B4GALT1: variants seen among roughly 807,000 people sequenced by gnomAD.
The protein encoded by B4GALT1 is N-acetyllactosamine synthase.
B4GALT1 carries 16 observed loss-of-function variants against 34.9 expected under a neutral mutation model. The observed-to-expected ratio is 0.46, with a 90% CI of 0.31 to 0.70. The LOEUF is 0.70. B4GALT1 is among the 30% of genes least tolerant of loss of function. The probability of loss-of-function intolerance (pLI) is 0.05; values close to 1 mark genes in which losing one functional copy is unlikely to be tolerated. For missense variants in B4GALT1, 445 were observed against 530.5 expected, an observed-to-expected ratio of 0.84 and a Z score of 1.58; for synonymous variants, 221 against 218.1, an observed-to-expected ratio of 1.01 and a Z score of -0.12.
At chr9:33,129,587 T>C (rs561488071) in intron 2 of B4GALT1, among the ~76,000 whole-genome samples, 1 of 152,318 alleles carries the variant, frequency 6.6e-6, no homozygotes, top group South Asian at 2.1e-4. Flanking sequence ...CTGTACTGAC[T>C]ATGTACCAGC....
the B4GALT1 span, among the ~76,000 whole-genome samples, chr9:33,182,058 T>A: frequency 1.6e-4 from 25 of 151,746 alleles, no homozygotes; most frequent in East Asian, 1.9e-3. Context: ...TTTAAAAAAA[T>A]TTTTTTTTGT....
the B4GALT1 span, among the ~76,000 whole-genome samples, chr9:33,182,758 C>T: frequency 6.6e-6 from 1 of 152,226 alleles, no homozygotes; most frequent in East Asian, 1.9e-4. Flanking sequence ...GGATTTACTT[C>T]ATTTGGCTAG....
At chr9:33,141,039 C>A (rs937969288) in intron 1 of B4GALT1, among the ~76,000 whole-genome samples, 2 of 152,210 alleles carry the variant, frequency 1.3e-5, no homozygotes, top group African/African-American at 4.8e-5. Context: ...GGAAGCCTTC[C>A]CAGACCACTC....
At chr9:33,163,574 C>A (rs12552871) in intron 1 of B4GALT1, among the ~76,000 whole-genome samples, 2 of 152,322 alleles carry the variant, frequency 1.3e-5, no homozygotes, top group South Asian at 2.1e-4. Context: ...CTGCCCACCT[C>A]CCCCCATCAC....
intron 1 of B4GALT1, among the ~76,000 whole-genome samples, chr9:33,136,889 C>A (rs1364239752): frequency 2.0e-5 from 3 of 152,190 alleles, no homozygotes; most frequent in African/African-American, 7.2e-5. Flanking sequence ...CGTGGCTCTC[C>A]AAGCACCCCC....
At chr9:33,135,465 A>C (rs1321818795) in intron 1 of B4GALT1, 41 bp from the exon 2 acceptor site, 1 of 1,572,408 alleles carries the variant, frequency 6.4e-7, no homozygotes, top group South Asian at 1.1e-5. Context: ...AGGCCACAGG[A>C]CTCGCCACCG....
chr9:33,181,862 T>C, the B4GALT1 span, among the ~76,000 whole-genome samples: 26 of 152,304 alleles, frequency 1.7e-4, 1 homozygote, highest in African/African-American at 6.3e-4. Context: ...CTTGGTGGCT[T>C]CAAACAACAG....
At chr9:33,166,004 G>A (rs1840746056) in intron 1 of B4GALT1, among the ~76,000 whole-genome samples, 1 of 152,168 alleles carries the variant, frequency 6.6e-6, no homozygotes, top group Non-Finnish European at 1.5e-5. Context: ...GAGTACACAA[G>A]CTCTCTGCCC....
rs1235637062 is a variant in B4GALT1 at position 33,112,775 on chromosome 9, C to A, written c.*679G>T. The A allele has an allele frequency of 6.5e-6, 1 of 153,122 alleles. No individual in the cohort carries two copies. Among genetic ancestry groups the A allele is most frequent in the Non-Finnish European group, 1.5e-5 (1 of 68,446 alleles). 9.5% of individuals were successfully genotyped at this position (153,122 alleles called of 1,614,324 possible). A position where few individuals can be genotyped will look rare whatever the true frequency, so the allele number is the denominator to read the frequency against. On this transcript the variant is annotated 3_prime_UTR_variant, in exon 6 of 6. Coordinates refer to ENST00000379731, the MANE Select transcript of B4GALT1 (RefSeq NM_001497.4). ...AAAAAAAACACAACAACTTTACATTCAGAAATCAGACAATCTGGAGATAGG... is the reference window on the plus strand; with the variant it reads ...AAAAAAAACACAACAACTTTACATTAAGAAATCAGACAATCTGGAGATAGG...
chr9:33,128,838 A>C (rs1840150937), intron 2 of B4GALT1, among the ~76,000 whole-genome samples: 2 of 152,210 alleles, frequency 1.3e-5, no homozygotes, highest in Admixed American at 1.3e-4. Flanking sequence ...GCTTCTCCCC[A>C]GTTGATCTTG....
chr9:33,120,697 G>C, intron 2 of B4GALT1, 91 bp from the exon 3 acceptor site: 1 of 1,348,670 alleles, frequency 7.4e-7, no homozygotes, highest in Non-Finnish European at 1.0e-6. Context: ...ACTACACATG[G>C]TCACTAGGAA....
chr9:33,161,282 T>C (rs1193857896), intron 1 of B4GALT1, among the ~76,000 whole-genome samples: 1 of 151,830 alleles, frequency 6.6e-6, no homozygotes, highest in Non-Finnish European at 1.5e-5. Context: ...TAAGGACAAA[T>C]CCCTTTAGGC....
At position 33,116,058 on chromosome 9, in the gene B4GALT1, G is replaced by C. The variant is rs150249236; in HGVS notation, c.892C>G (p.Leu298Val). 7.4e-5 allele frequency: 119 copies of C among 1,613,574 alleles called. No homozygotes were observed. The African/African-American group carries it at 1.3e-3, about 18-fold the overall frequency. ...TTATTAGGAAATCCATTGATGGTTA[G>C]AAACTGTTGTTTACTTAGAGCAGAG... The part of the protein sequence containing the change: ...GVSALSKQQF[L>V]TINGFPNNYW... Residue 298 changes from leucine to valine, a missense_variant, in exon 4 of 6, where the codon CTA becomes GTA. By Grantham distance (32) the Leu-to-Val change is conservative (BLOSUM62 1). Transcript: ENST00000379731.
chr9:33,113,160 C>T lies in B4GALT1; in HGVS notation c.*294G>A, dbSNP rs957133647. ...ATTCTATCACCGGGAATGTGTTCCA[C>T]GGCCACCAAATTTTGGGATGTGTAC... On this transcript the variant is annotated 3_prime_UTR_variant, in exon 6 of 6. Transcript: ENST00000379731. 22 of 440,946 alleles carry T rather than the reference C, an allele frequency of 5.0e-5. No individual in the cohort carries two copies. Among genetic ancestry groups the T allele is most frequent in the East Asian group, 2.1e-4 (5 of 23,394 alleles). The allele number at this position is 440,946 out of a possible 1,614,324, so 27.3% of individuals were successfully genotyped here.
At chr9:33,128,909 C>T (rs1587734547) in intron 2 of B4GALT1, among the ~76,000 whole-genome samples, 1 of 152,326 alleles carries the variant, frequency 6.6e-6, no homozygotes, top group Non-Finnish European at 1.5e-5. Flanking sequence ...GGTAGGGTGA[C>T]AGATACTCTT....
intron 2 of B4GALT1, among the ~76,000 whole-genome samples, chr9:33,128,278 A>G (rs969175074): frequency 6.6e-6 from 1 of 152,238 alleles, no homozygotes; most frequent in Admixed American, 6.5e-5. Context: ...AAAAGGGTGG[A>G]TGCAAGGGAG....
At chr9:33,145,945 T>A (rs1197515108) in intron 1 of B4GALT1, among the ~76,000 whole-genome samples, 1 of 152,130 alleles carries the variant, frequency 6.6e-6, no homozygotes, top group East Asian at 1.9e-4. Context: ...TGGTCACAGA[T>A]CCCCAATTCT....
chr9:33,168,399 G>C (rs575939366), upstream of B4GALT1, among the ~76,000 whole-genome samples: 2 of 152,224 alleles, frequency 1.3e-5, no homozygotes, highest in Non-Finnish European at 2.9e-5. Context: ...TCATGGAGGT[G>C]CTGTCAGTAA....
At chr9:33,135,911 A>ACGTGTG (rs1554686825) in intron 1 of B4GALT1, among the ~76,000 whole-genome samples, 1 of 135,990 alleles carries the variant, frequency 7.4e-6, no homozygotes, top group Non-Finnish European at 1.6e-5. Flanking sequence ...GTGTGTGTGT[A>ACGTGTG]TGTGTGTGTG....
Sources: allele counts gnomAD v4.1 joint callset (sites outside exome capture counted in the v4.1 genomes callset), GRCh38; gene constraint gnomAD v4.1.1; transcripts MANE v1.5; gene names NCBI Gene and HGNC (gene_info 2026-07-23, HGNC 2026-07-21).